Variants in CUX1 observed in about 807,000 individuals in gnomAD.
The protein encoded by CUX1 is protein CASP.
In CUX1, 31 loss-of-function variants were observed where a neutral mutation model predicts 158.8. That is an observed-to-expected ratio of 0.20 (90% CI 0.15 to 0.26). The LOEUF (loss-of-function observed/expected upper bound fraction) is 0.26. CUX1 is among the 10% of genes least tolerant of loss of function. The probability of loss-of-function intolerance (pLI) is 1.00; values close to 1 mark genes in which losing one functional copy is unlikely to be tolerated. For missense variants in CUX1, 1,589 were observed against 2,014.6 expected, an observed-to-expected ratio of 0.79 and a Z score of 4.04; for synonymous variants, 879 against 862.1, an observed-to-expected ratio of 1.02 and a Z score of -0.34.
At chr7:102,267,439 C>A (rs1586502683) in intron 14 of CUX1, among the ~76,000 whole-genome samples, 1 of 152,014 alleles carries the variant, frequency 6.6e-6, no homozygotes, top group East Asian at 1.9e-4. Context: ...GAGGCTGAGG[C>A]AGGAGAATCA....
intron 10 of CUX1, among the ~76,000 whole-genome samples, chr7:102,175,389 A>G (rs1258365478): frequency 6.6e-6 from 1 of 152,208 alleles, no homozygotes; most frequent in Non-Finnish European, 1.5e-5. Flanking sequence ...GAAGATTAAG[A>G]TGAAGACGTG....
intron 8 of CUX1, among the ~76,000 whole-genome samples, chr7:102,123,627 A>G (rs1832301496): frequency 6.7e-6 from 1 of 150,250 alleles, no homozygotes; most frequent in African/African-American, 2.5e-5. Context: ...AAAAAAAAAA[A>G]TTATCATACA....
intron 13 of CUX1, among the ~76,000 whole-genome samples, chr7:102,195,015 C>A (rs528209341): frequency 1.3e-5 from 2 of 151,578 alleles, no homozygotes; most frequent in East Asian, 3.9e-4. Flanking sequence ...CAGAGTGAGA[C>A]TCCATCTCAA....
At chr7:102,221,845 T>C (rs1554527048) in intron 20 of CUX1, among the ~76,000 whole-genome samples, 1 of 152,116 alleles carries the variant, frequency 6.6e-6, no homozygotes, top group East Asian at 1.9e-4. Flanking sequence ...AGTGGGGCTT[T>C]TAAAATATGC....
At position 102,257,671 on chromosome 7, in the gene CUX1, G is replaced by A. The variant is rs555153534; in HGVS notation, c.*8629G>A. On this transcript the variant is annotated 3_prime_UTR_variant, in exon 24 of 24. Transcript: ENST00000292535. ...GCACAAGACGCACTCACAGGGTGGC[G>A]GAATCTTCCGGAAAACTCTCTATAA... 159 of 985,164 alleles carry A rather than the reference G, an allele frequency of 1.6e-4. No individual in the cohort carries two copies. Among genetic ancestry groups the A allele is most frequent in the Non-Finnish European group, 1.8e-4 (151 of 829,938 alleles). The allele number at this position is 985,164 out of a possible 1,614,324, so 61.0% of individuals were successfully genotyped here.
At chr7:102,092,374 C>T (rs1272959077) in intron 4 of CUX1, among the ~76,000 whole-genome samples, 16 of 152,120 alleles carry the variant, frequency 1.1e-4, no homozygotes, top group Non-Finnish European at 1.5e-4. Context: ...CGCTGCCTGG[C>T]ATTACCATCC....
intron 15 of CUX1, chr7:102,274,146 G>T (rs1554547015): frequency 8.1e-7 from 1 of 1,229,196 alleles, no homozygotes; most frequent in Non-Finnish European, 1.2e-6. Flanking sequence ...CCCACTCCTT[G>T]CCACACCCAC....
intron 8 of CUX1, among the ~76,000 whole-genome samples, chr7:102,116,381 C>G (rs1490672759): frequency 2.6e-5 from 4 of 152,282 alleles, no homozygotes; most frequent in African/African-American, 4.8e-5. Context: ...AACATCACCA[C>G]TAGATCAGCT....
At chr7:101,897,617 T>C (rs1189075136) in intron 1 of CUX1, among the ~76,000 whole-genome samples, 1 of 152,228 alleles carries the variant, frequency 6.6e-6, no homozygotes, top group African/African-American at 2.4e-5. Flanking sequence ...TTTCTGCTGA[T>C]GTAAGTATCA....
chr7:101,949,620 T>A (rs1228416960), intron 2 of CUX1, among the ~76,000 whole-genome samples: 2 of 149,906 alleles, frequency 1.3e-5, no homozygotes, highest in Non-Finnish European at 3.0e-5. Flanking sequence ...AACCTCCACC[T>A]CCCGGGTTCA....
At chr7:102,061,463 G>T (rs115513627) in intron 3 of CUX1, among the ~76,000 whole-genome samples, 5,235 of 152,266 alleles carry the variant, frequency 0.034, 296 homozygotes, top group African/African-American at 0.12. Context: ...TGAGACGGCG[G>T]TTCCTTCACT....
At chr7:102,224,127 T>C (rs1343256368) in intron 20 of CUX1, among the ~76,000 whole-genome samples, 2 of 152,248 alleles carry the variant, frequency 1.3e-5, no homozygotes, top group Non-Finnish European at 2.9e-5. Context: ...TAGCCACAAC[T>C]GTGCATGCAG....
intron 1 of CUX1, among the ~76,000 whole-genome samples, chr7:101,898,383 G>A (rs1339520671): frequency 2.0e-5 from 3 of 152,186 alleles, no homozygotes; most frequent in African/African-American, 7.2e-5. Context: ...GGCTCCCCGT[G>A]TTTAAAGCAG....
At chr7:101,944,363 G>C (rs982021929) in intron 2 of CUX1, among the ~76,000 whole-genome samples, 1 of 152,232 alleles carries the variant, frequency 6.6e-6, no homozygotes, top group African/African-American at 2.4e-5. Flanking sequence ...TTATAGGCTA[G>C]CATTCAACAT....
intron 16 of CUX1, among the ~76,000 whole-genome samples, chr7:102,199,112 C>T (rs1795114642): frequency 6.6e-6 from 1 of 152,190 alleles, no homozygotes; most frequent in Admixed American, 6.5e-5. Flanking sequence ...CCCCCCGAGT[C>T]TGAATCCCAG....
chr7:102,085,825 TG>T (rs1290954142), intron 4 of CUX1, among the ~76,000 whole-genome samples: 4 of 152,246 alleles, frequency 2.6e-5, no homozygotes, highest in Non-Finnish European at 4.4e-5. Flanking sequence ...CTCTATTTGC[TG>T]AAAGAGTTTG....
chr7:102,126,214 T>C (rs1056742921), intron 8 of CUX1, among the ~76,000 whole-genome samples: 1 of 151,394 alleles, frequency 6.6e-6, no homozygotes, highest in Non-Finnish European at 1.5e-5. Context: ...TGTGTGTGTA[T>C]TTTTTGTAGA....
rs1182435660 is a variant in CUX1 at position 102,248,584 on chromosome 7, G to A, written c.4060G>A (p.Glu1354Lys). Residue 1354 changes from glutamate to lysine, a missense_variant, in exon 24 of 24, where the codon GAG becomes AAG. Physicochemically the swap from Glu to Lys is moderately conservative, Grantham distance 56. This residue lies in a region of CUX1 where 344 missense variants were observed against 323.7 expected (regional missense o/e 1.06). Transcript: ENST00000292535. The surrounding 1 kb of genome is among the most constrained non-coding windows in gnomAD (Gnocchi z 5.8). ...GGGCCCAGGCAGCGCCGACACCGAG[G>A]AGCCCAAGTCTCAGGGAGAGGCCGA... is the stretch of plus-strand genomic sequence containing the variant. ...TEGPGSADTE[E>K]PKSQGEAERE... 2.0e-5 allele frequency: 30 copies of A among 1,483,784 alleles called. No homozygotes were observed. The highest frequency in any genetic ancestry group is 2.1e-4 in the Middle Eastern group (1 of 4,764). The allele number at this position is 1,483,784 out of a possible 1,614,324, so 91.9% of individuals were successfully genotyped here.
chr7:101,969,732 A>C (rs1200219079), intron 2 of CUX1, among the ~76,000 whole-genome samples: 2 of 152,202 alleles, frequency 1.3e-5, no homozygotes, highest in Non-Finnish European at 2.9e-5. Flanking sequence ...AAAATACCAA[A>C]TTAGCTTTTT....
Sources: gnomAD v4.1 joint callset for allele counts (sites outside exome capture counted in the v4.1 genomes callset) on GRCh38, gnomAD v4.1.1 for gene constraint, gnomAD v4.1.1 regional missense constraint, Gnocchi (gnomAD v3.1) non-coding constraint, MANE v1.5 for transcripts, NCBI Gene and HGNC (gene_info 2026-07-23, HGNC 2026-07-21) for gene names.